CAPRIN2: variants seen among roughly 807,000 people sequenced by gnomAD.
CAPRIN2 encodes the protein caprin family member 2.
Under a neutral mutation model 130.4 loss-of-function variants are expected in CAPRIN2, and 66 were observed. The observed-to-expected ratio is 0.51, with a 90% CI of 0.42 to 0.62. CAPRIN2 has a LOEUF of 0.62. Among genes scored for constraint, CAPRIN2 ranks in the 20% least tolerant of loss-of-function variants. CAPRIN2 has a pLI of 0.00. For synonymous variants in CAPRIN2, 471 were observed against 444.1 expected (o/e 1.06, Z -0.76); for missense variants, 1,185 against 1,246.6 (o/e 0.95, Z 0.74).
chr12:30,718,649 T>C (rs1183867549), intron 12 of CAPRIN2, among the ~76,000 whole-genome samples: 1 of 151,942 alleles, frequency 6.6e-6, no homozygotes, highest in Non-Finnish European at 1.5e-5. Flanking sequence ...GAGATCAGGA[T>C]AAAATAAAAT....
At chr12:30,711,306 T>C (rs1203877413) in intron 16 of CAPRIN2, among the ~76,000 whole-genome samples, 3 of 152,174 alleles carry the variant, frequency 2.0e-5, no homozygotes, top group Non-Finnish European at 2.9e-5. Context: ...ATAGTGAATA[T>C]ATAAAGTTAA....
intron 12 of CAPRIN2, chr12:30,719,972 TA>T (rs1294675206): frequency 6.6e-6 from 1 of 152,234 alleles, no homozygotes. Flanking sequence ...TGATAGTTGC[TA>T]AATTACTCCT....
chr12:30,729,199 C>T, exon 8 of CAPRIN2: 1 of 1,614,064 alleles, frequency 6.2e-7, no homozygotes, highest in Non-Finnish European at 8.5e-7. Context: ...TCTTGACCAT[C>T]TGGTTCAGTA....
intron 2 of CAPRIN2, among the ~76,000 whole-genome samples, chr12:30,746,164 T>C (rs969792036): frequency 1.3e-5 from 2 of 152,230 alleles, no homozygotes; most frequent in African/African-American, 4.8e-5. Context: ...AATGAGTAGA[T>C]GGAGCACAGA....
At chr12:30,735,138 C>A in exon 4 of CAPRIN2, 1 of 1,614,178 alleles carries the variant, frequency 6.2e-7, no homozygotes, top group Non-Finnish European at 8.5e-7. Flanking sequence ...TAGTTCGAAG[C>A]TTTTTCTTCT....
At chr12:30,739,199 T>A (rs1466761428) in intron 3 of CAPRIN2, among the ~76,000 whole-genome samples, 1 of 152,184 alleles carries the variant, frequency 6.6e-6, no homozygotes, top group East Asian at 1.9e-4. Flanking sequence ...GTGGTACATA[T>A]ATATCATGGA....
chr12:30,725,547 A>G (rs1356731809), intron 9 of CAPRIN2, among the ~76,000 whole-genome samples: 1 of 152,230 alleles, frequency 6.6e-6, no homozygotes, highest in Non-Finnish European at 1.5e-5. Flanking sequence ...CTATTGATTT[A>G]ACATAAATTT....
intron 3 of CAPRIN2, among the ~76,000 whole-genome samples, chr12:30,740,712 T>C (rs963714569): frequency 2.0e-5 from 3 of 152,220 alleles, no homozygotes; most frequent in African/African-American, 4.8e-5. Flanking sequence ...AAATATACCT[T>C]GTCAAAAGTT....
At chr12:30,737,431 C>T (rs1028660454) in intron 3 of CAPRIN2, among the ~76,000 whole-genome samples, 3 of 152,086 alleles carry the variant, frequency 2.0e-5, no homozygotes, top group Non-Finnish European at 2.9e-5. Flanking sequence ...AGGAAAGTCT[C>T]CCAGATCACA....
At chr12:30,725,114 T>C (rs150323088) in intron 9 of CAPRIN2, among the ~76,000 whole-genome samples, 30 of 152,314 alleles carry the variant, frequency 2.0e-4, no homozygotes, top group Middle Eastern at 3.4e-3. Context: ...AGAACCCCCA[T>C]TTTTATTACA....
exon 8 of CAPRIN2, chr12:30,728,856 G>A (rs1350784107): frequency 1.2e-6 from 2 of 1,614,002 alleles, no homozygotes; most frequent in Non-Finnish European, 1.7e-6. Flanking sequence ...TGACTTGGTG[G>A]TGTTCTGTTC....
chr12:30,736,140 CAAA>C (rs751202399), intron 3 of CAPRIN2, among the ~76,000 whole-genome samples: 11 of 109,286 alleles, frequency 1.0e-4, no homozygotes, highest in Non-Finnish European at 8.0e-5. Context: ...GATCCTGTCC[CAAA>C]AAAAAAAAAA....
At chr12:30,714,499 G>T (rs2056727413) in intron 14 of CAPRIN2, among the ~76,000 whole-genome samples, 1 of 152,152 alleles carries the variant, frequency 6.6e-6, no homozygotes, top group Non-Finnish European at 1.5e-5. Context: ...GAGTATTTTT[G>T]TTAATAATAA....
At chr12:30,731,759 A>G (rs1337678024) in intron 5 of CAPRIN2, among the ~76,000 whole-genome samples, 1 of 152,088 alleles carries the variant, frequency 6.6e-6, no homozygotes, top group Non-Finnish European at 1.5e-5. Context: ...AATTTTAATG[A>G]GATCAGAATC....
chr12:30,735,268 T>C, intron 3 of CAPRIN2, 62 bp from the exon 5 acceptor site: 1 of 1,282,892 alleles, frequency 7.8e-7, no homozygotes, highest in Non-Finnish European at 1.1e-6. Flanking sequence ...TAGCAATACG[T>C]ATCTACAAAG....
intron 2 of CAPRIN2, among the ~76,000 whole-genome samples, chr12:30,749,140 A>G (rs1403003759): frequency 6.6e-6 from 1 of 152,174 alleles, no homozygotes; most frequent in African/African-American, 2.4e-5. Context: ...CCCAAGCAGT[A>G]GGAATATCAC....
chr12:30,727,207 T>C (rs181450109), intron 8 of CAPRIN2, among the ~76,000 whole-genome samples: 20 of 152,310 alleles, frequency 1.3e-4, no homozygotes, highest in Non-Finnish European at 2.2e-4. Context: ...TTTTTCAAAA[T>C]AGTTACATTA....
chr12:30,729,076 T>C lies in CAPRIN2; in HGVS notation c.1354A>G (p.Thr452Ala), dbSNP rs200407915. 40 of 1,614,074 alleles carry C rather than the reference T, an allele frequency of 2.5e-5. No homozygotes were observed. Among genetic ancestry groups the C allele is most frequent in the African/African-American group, 4.0e-5 (3 of 75,004 alleles). The change falls in exon 8 of 17, where the codon ACT becomes GCT. Residue 452 changes from threonine to alanine, a missense_variant. Thr to Ala is a moderately conservative substitution (Grantham distance 58). Coordinates refer to ENST00000298892, the Ensembl canonical transcript of CAPRIN2. ...TGCTTCTTCTGCTCTTCCGGCAGAG[T>C]AGACCTGAGTTTTGAGGTGTCTTGT...
chr12:30,714,990 G>C, exon 14 of CAPRIN2: 1 of 1,613,890 alleles, frequency 6.2e-7, no homozygotes, highest in Non-Finnish European at 8.5e-7. Flanking sequence ...GATAGGAATT[G>C]GTTATTAATC....
Sources: gnomAD v4.1 joint callset for allele counts (sites outside exome capture counted in the v4.1 genomes callset) on GRCh38, gnomAD v4.1.1 for gene constraint, MANE v1.5 for transcripts, NCBI Gene and HGNC (gene_info 2026-07-23, HGNC 2026-07-21) for gene names.